ZBTB40: variants seen among roughly 807,000 people sequenced by gnomAD.
ZBTB40 encodes zinc finger and BTB domain-containing protein 40.
Under a neutral mutation model 117.5 loss-of-function variants are expected in ZBTB40, and 60 were observed. That is an observed-to-expected ratio of 0.51 (90% CI 0.41 to 0.63). The LOEUF is 0.63. Ranked by LOEUF, ZBTB40 falls within the 30% of genes least tolerant of loss-of-function variation. The pLI, the probability that ZBTB40 is intolerant of heterozygous loss-of-function variation, is 0.00. For missense variants in ZBTB40, 1,287 were observed against 1,498.5 expected (o/e 0.86, Z 2.33); for synonymous variants, 525 against 577.1 (o/e 0.91, Z 1.29).
intron 1 of ZBTB40, among the ~76,000 whole-genome samples, chr1:22,439,286 TCC>T (rs2124365418): frequency 6.6e-6 from 1 of 152,354 alleles, no homozygotes; most frequent in East Asian, 1.9e-4. Flanking sequence ...TTTCTTTCAT[TCC>T]ATGGGTTTCC....
chr1:22,515,411 A>G (rs1246841128), intron 12 of ZBTB40, among the ~76,000 whole-genome samples: 1 of 152,172 alleles, frequency 6.6e-6, no homozygotes, highest in East Asian at 1.9e-4. Context: ...GCCTAAAACA[A>G]CCCAAATATA....
upstream of ZBTB40, among the ~76,000 whole-genome samples, chr1:22,447,482 C>G (rs1396317477): frequency 6.6e-6 from 1 of 152,128 alleles, no homozygotes; most frequent in Non-Finnish European, 1.5e-5. Flanking sequence ...GGCAGGTGGG[C>G]TATCATCTTG....
intron 1 of ZBTB40, among the ~76,000 whole-genome samples, chr1:22,476,535 C>A (rs186320576): frequency 9.8e-5 from 15 of 152,310 alleles, no homozygotes; most frequent in African/African-American, 3.6e-4. Flanking sequence ...ACTTTCAAAT[C>A]CTTTTTGGAA....
chr1:22,497,877 G>A (rs770312020), intron 3 of ZBTB40, among the ~76,000 whole-genome samples: 34 of 152,178 alleles, frequency 2.2e-4, no homozygotes, highest in Admixed American at 3.9e-4. Context: ...GAAGGTAGAT[G>A]GCACGGTGTC....
At chr1:22,436,667 C>A (rs1302290207) in intron 1 of ZBTB40, among the ~76,000 whole-genome samples, 1 of 151,912 alleles carries the variant, frequency 6.6e-6, no homozygotes, top group African/African-American at 2.4e-5. Context: ...TTAAAAGAAA[C>A]AAAACTGATA....
At chr1:22,429,763 C>T (rs965185049) in intron 1 of ZBTB40, among the ~76,000 whole-genome samples, 8 of 152,046 alleles carry the variant, frequency 5.3e-5, no homozygotes, top group Admixed American at 2.6e-4. Flanking sequence ...GAGGCCGAGG[C>T]GGGTGGATCA....
At chr1:22,494,227 G>C (rs150102546) in intron 3 of ZBTB40, among the ~76,000 whole-genome samples, 2 of 152,126 alleles carry the variant, frequency 1.3e-5, no homozygotes, top group African/African-American at 4.8e-5. Flanking sequence ...ATGGTTTGCT[G>C]TTACTTTAAG....
At chr1:22,507,464 G>A (rs116242537) in intron 6 of ZBTB40, among the ~76,000 whole-genome samples, 2 of 152,248 alleles carry the variant, frequency 1.3e-5, no homozygotes, top group South Asian at 2.1e-4. Flanking sequence ...AAAGAAAAGG[G>A]TACATTTTTA....
At chr1:22,508,233 A>G in intron 7 of ZBTB40, 96 bp downstream of exon 7, 2 of 1,414,664 alleles carry the variant, frequency 1.4e-6, no homozygotes, top group East Asian at 2.5e-5. Context: ...CTGTAAATAT[A>G]CATATGTAGC....
At chr1:22,522,945 C>CTT (rs34232963) in intron 16 of ZBTB40, among the ~76,000 whole-genome samples, 23 of 93,908 alleles carry the variant, frequency 2.4e-4, no homozygotes, top group African/African-American at 4.6e-4. Flanking sequence ...TAAGATGTAC[C>CTT]TTTTTTTTTT....
At chr1:22,479,702 A>T (rs546483266) in intron 1 of ZBTB40, among the ~76,000 whole-genome samples, 20 of 152,324 alleles carry the variant, frequency 1.3e-4, no homozygotes, top group African/African-American at 4.6e-4. Flanking sequence ...CAGTGTCTCC[A>T]GCTGGAACAC....
In ZBTB40 at chr1:22,508,062, T is replaced by G. The variant is rs1177241707; in HGVS notation, c.1422T>G (p.Ser474=). ...ELLRRYHENL[S]EIFTDNQILL... ...TGAGACGCTATCATGAAAACCTCTCTGAGATTTTCACAGACAACCAGATTT... is the reference window on the plus strand; with the variant it reads ...TGAGACGCTATCATGAAAACCTCTCGGAGATTTTCACAGACAACCAGATTT... Residue 474 remains serine, a synonymous_variant, in exon 7 of 18, where the codon TCT becomes TCG. Transcript: ENST00000375647. 2 of 1,614,130 alleles carry G rather than the reference T, an allele frequency of 1.2e-6. No homozygotes were observed. Among genetic ancestry groups the G allele is most frequent in the Non-Finnish European group, 1.7e-6 (2 of 1,180,010 alleles).
At chr1:22,445,871 CA>C (rs74743369) in intron 1 of ZBTB40, among the ~76,000 whole-genome samples, 2 of 128,316 alleles carry the variant, frequency 1.6e-5, no homozygotes, top group East Asian at 4.6e-4. Context: ...AAAAAAAAAA[CA>C]AAAAACTGAA....
intron 5 of ZBTB40, among the ~76,000 whole-genome samples, chr1:22,505,270 T>C (rs1362126256): frequency 6.6e-6 from 1 of 152,210 alleles, no homozygotes; most frequent in Non-Finnish European, 1.5e-5. Flanking sequence ...ATGCATATTA[T>C]GCTGTAGTCC....
At chr1:22,485,974 T>C (rs1358465036) in intron 1 of ZBTB40, among the ~76,000 whole-genome samples, 2 of 151,192 alleles carry the variant, frequency 1.3e-5, no homozygotes, top group Non-Finnish European at 1.5e-5. Context: ...TTAAAGCCCC[T>C]GGCTATTTAA....
intron 5 of ZBTB40, among the ~76,000 whole-genome samples, chr1:22,505,619 ATAT>A (rs1293125273): frequency 6.6e-6 from 1 of 152,248 alleles, no homozygotes; most frequent in African/African-American, 2.4e-5. Flanking sequence ...ACCTATGCTA[ATAT>A]TATGAACTTT....
chr1:22,525,757 G>A (rs535364380), intron 17 of ZBTB40, among the ~76,000 whole-genome samples: 18 of 152,352 alleles, frequency 1.2e-4, no homozygotes, highest in Non-Finnish European at 1.5e-4. Flanking sequence ...GTGAGCCTGC[G>A]AGAGGTCCAG....
chr1:22,440,992 T>C (rs781183593), intron 1 of ZBTB40, among the ~76,000 whole-genome samples: 1 of 152,218 alleles, frequency 6.6e-6, no homozygotes, highest in Non-Finnish European at 1.5e-5. Context: ...GCTGGCTTCA[T>C]AGAATGAGTT....
chr1:22,438,131 GA>G (rs1211876062), intron 1 of ZBTB40, among the ~76,000 whole-genome samples: 2 of 151,500 alleles, frequency 1.3e-5, no homozygotes, highest in African/African-American at 2.4e-5. Context: ...ACTCCATCTC[GA>G]AAAAAACAAA....
Sources: gnomAD v4.1 joint callset for allele counts (sites outside exome capture counted in the v4.1 genomes callset) on GRCh38, gnomAD v4.1.1 for gene constraint, MANE v1.5 for transcripts, NCBI Gene and HGNC (gene_info 2026-07-23, HGNC 2026-07-21) for gene names.